MBNL2: variants seen among roughly 807,000 people sequenced by gnomAD.
The protein encoded by MBNL2 is muscleblind like splicing regulator 2.
Under a neutral mutation model 41.9 loss-of-function variants are expected in MBNL2, and 17 were observed. That is an observed-to-expected ratio of 0.41 (90% CI 0.28 to 0.61). The LOEUF is 0.61. MBNL2 is among the 20% of genes least tolerant of loss of function. The pLI, the probability that MBNL2 is intolerant of heterozygous loss-of-function variation, is 0.35. For missense variants in MBNL2, 336 were observed against 505.6 expected, an observed-to-expected ratio of 0.66 and a Z score of 3.22; for synonymous variants, 195 against 182.9, an observed-to-expected ratio of 1.07 and a Z score of -0.53.
chr13:97,180,055 C>T, the MBNL2 span, among the ~76,000 whole-genome samples: 1 of 152,124 alleles, frequency 6.6e-6, no homozygotes, highest in African/African-American at 2.4e-5. Context: ...GAGAGAAAAC[C>T]AGTTATGAAT....
chr13:97,352,069 A>AATAAATC, intron 5 of MBNL2, among the ~76,000 whole-genome samples: 3 of 146,556 alleles, frequency 2.0e-5, no homozygotes, highest in Admixed American at 6.9e-5. Flanking sequence ...AATAATAAAT[A>AATAAATC]AATAAATAAG....
At chr13:97,256,528 A>G (rs2047566315) in intron 1 of MBNL2, among the ~76,000 whole-genome samples, 1 of 152,200 alleles carries the variant, frequency 6.6e-6, no homozygotes, top group African/African-American at 2.4e-5. Context: ...AGTGAAGCAG[A>G]CAGGAATATC....
At position 97,223,809 on chromosome 13, in the gene MBNL2, C is replaced by A. The variant is rs2041166801; in HGVS notation, c.-605+1278C>A. Reference sequence around the variant, plus strand: ...AAATAAGGGCAATGCCACGTAGATTCTTCTAGACCCACTGTTTTTACTTTC... The same window carrying A: ...AAATAAGGGCAATGCCACGTAGATTATTCTAGACCCACTGTTTTTACTTTC... On this transcript the variant is annotated intron_variant, in intron 1 of 8. Coordinates refer to ENST00000679496, the MANE Select transcript of MBNL2 (RefSeq NM_001382683.1). Among the ~76,000 whole-genome samples the A allele has an allele frequency of 1.3e-5, 2 of 152,196 alleles. 1 individual carries two copies. The highest frequency in any genetic ancestry group is 4.1e-4 in the South Asian group (2 of 4,824).
chr13:97,334,580 A>G lies in MBNL2; in HGVS notation c.339+140A>G. On this transcript the variant is annotated intron_variant, in intron 3 of 8. Coordinates refer to ENST00000679496, the MANE Select transcript of MBNL2 (RefSeq NM_001382683.1). The surrounding 1 kb of genome is among the most constrained non-coding windows in gnomAD (Gnocchi z 5.3). ...AAATAGCTTTAAAGCTCAATAGATG[A>G]AGGAAAATAGGCTTTTAAAAAAATT... is the stretch of plus-strand genomic sequence containing the variant. 2.0e-6 allele frequency: 1 copy of G among 496,574 alleles called. No individual in the cohort carries two copies. The highest frequency in any genetic ancestry group is 3.4e-5 in the East Asian group (1 of 29,586). 30.8% of individuals were successfully genotyped at this position (496,574 alleles called of 1,614,324 possible).
At chr13:97,340,620 A>T (rs956446059) in intron 3 of MBNL2, among the ~76,000 whole-genome samples, 1 of 152,200 alleles carries the variant, frequency 6.6e-6, no homozygotes, top group African/African-American at 2.4e-5. Context: ...CTCATTGCAG[A>T]TAAGAAAATT....
chr13:97,255,534 C>T (rs1180613839), intron 1 of MBNL2, among the ~76,000 whole-genome samples: 5 of 152,148 alleles, frequency 3.3e-5, no homozygotes, highest in Non-Finnish European at 7.4e-5. Flanking sequence ...CTAAATCTCC[C>T]AGCTAGCATG....
the MBNL2 span, among the ~76,000 whole-genome samples, chr13:97,212,417 C>A: frequency 7.9e-5 from 12 of 152,290 alleles, no homozygotes; most frequent in African/African-American, 2.9e-4. Context: ...ACAGCTACCC[C>A]CTCCCAGCTC....
chr13:97,352,256 G>T (rs1478319476), intron 5 of MBNL2, among the ~76,000 whole-genome samples: 1 of 152,056 alleles, frequency 6.6e-6, no homozygotes, highest in African/African-American at 2.4e-5. Flanking sequence ...GATAACCTTG[G>T]CACAGGAAGC....
At chr13:97,302,922 A>G (rs961797911) in intron 2 of MBNL2, among the ~76,000 whole-genome samples, 4 of 152,210 alleles carry the variant, frequency 2.6e-5, no homozygotes, top group Non-Finnish European at 5.9e-5. Flanking sequence ...CCCTACAATC[A>G]TGTCATGAAA....
chr13:97,255,449 G>A (rs1286060689), intron 1 of MBNL2, among the ~76,000 whole-genome samples: 1 of 152,164 alleles, frequency 6.6e-6, no homozygotes, highest in Admixed American at 6.5e-5. Context: ...GTCTGAGTAT[G>A]AAGACTGCAG....
chr13:97,258,046 C>T (rs964606042), intron 1 of MBNL2, among the ~76,000 whole-genome samples: 1 of 152,162 alleles, frequency 6.6e-6, no homozygotes, highest in Non-Finnish European at 1.5e-5. Context: ...CTCTGAGGAG[C>T]GCCCCCCGTC....
intron 4 of MBNL2, among the ~76,000 whole-genome samples, chr13:97,345,047 T>G (rs887123446): frequency 2.7e-5 from 4 of 147,904 alleles, no homozygotes; most frequent in African/African-American, 9.9e-5. Flanking sequence ...TTGCGCATTT[T>G]ATGAACTAAA....
intron 8 of MBNL2, among the ~76,000 whole-genome samples, chr13:97,370,902 G>T (rs1044804529): frequency 2.6e-5 from 4 of 152,038 alleles, no homozygotes; most frequent in Non-Finnish European, 5.9e-5. Context: ...AAATTGGTTG[G>T]GGGGGAAATG....
At chr13:97,198,740 T>G in the MBNL2 span, among the ~76,000 whole-genome samples, 1 of 152,020 alleles carries the variant, frequency 6.6e-6, no homozygotes, top group Non-Finnish European at 1.5e-5. Context: ...TTCTCTCTCT[T>G]TTTCTTTTCA....
the MBNL2 span, among the ~76,000 whole-genome samples, chr13:97,177,096 G>T: frequency 2.0e-5 from 3 of 152,172 alleles, no homozygotes; most frequent in Non-Finnish European, 2.9e-5. Flanking sequence ...CTAGCACTTT[G>T]GGAGGCTGAG....
chr13:97,229,987 C>T lies in MBNL2; in HGVS notation c.-605+7456C>T, dbSNP rs1019593634. ...GCATCTTGAAGGAAAAATAATAGAA[C>T]GCAGTGAGAGCTTAGAAGAGTGAAA... On this transcript the variant is annotated intron_variant, in intron 1 of 8. Coordinates refer to ENST00000679496, the MANE Select transcript of MBNL2 (RefSeq NM_001382683.1). Among the ~76,000 whole-genome samples, 4 of 152,184 alleles carry T rather than the reference C, an allele frequency of 2.6e-5. 1 individual carries two copies. In the South Asian group the frequency reaches 6.2e-4, roughly 24 times the overall value.
intron 8 of MBNL2, among the ~76,000 whole-genome samples, chr13:97,385,585 G>A (rs1237086414): frequency 1.3e-5 from 2 of 152,082 alleles, no homozygotes; most frequent in Admixed American, 6.5e-5. Context: ...TTAATATTGA[G>A]CTATCATTTT....
In MBNL2 at chr13:97,276,215, A is replaced by T; in HGVS notation, c.-21A>T. ...ATTTCATCATTTAACAGAAACAAAC[A>T]GCCCAAATTACTTTATCACCATGGC... is the stretch of plus-strand genomic sequence containing the variant. On this transcript the variant is annotated 5_prime_UTR_variant, in exon 2 of 9. Transcript: ENST00000679496. The T allele has an allele frequency of 6.3e-7, 1 of 1,598,008 alleles. No individual in the cohort carries two copies. The highest frequency in any genetic ancestry group is 8.6e-7 in the Non-Finnish European group (1 of 1,168,304).
intron 1 of MBNL2, among the ~76,000 whole-genome samples, chr13:97,248,180 T>TC (rs2045847319): frequency 6.6e-6 from 1 of 152,230 alleles, no homozygotes; most frequent in Admixed American, 6.5e-5. Context: ...TAACCCAGGC[T>TC]GGGGTGCAGT....
Sources: gnomAD v4.1 joint callset for allele counts (sites outside exome capture counted in the v4.1 genomes callset) on GRCh38, gnomAD v4.1.1 for gene constraint, Gnocchi (gnomAD v3.1) non-coding constraint, MANE v1.5 for transcripts, NCBI Gene and HGNC (gene_info 2026-07-23, HGNC 2026-07-21) for gene names.